The following BCKDHB variants were observed in gnomAD, a reference collection of about 807,000 sequenced individuals.
The protein encoded by BCKDHB is 2-oxoisovalerate dehydrogenase subunit beta, mitochondrial.
In BCKDHB, 41 loss-of-function variants were observed where a neutral mutation model predicts 48.5. The ratio of observed to expected loss-of-function variants is 0.85; its 90% CI spans 0.66 to 1.10. The LOEUF is 1.10. Ranked by LOEUF, BCKDHB falls within the 50% of genes least tolerant of loss-of-function variation. BCKDHB has a pLI of 0.00. For synonymous variants in BCKDHB, 201 were observed against 174.8 expected, an observed-to-expected ratio of 1.15 and a Z score of -1.18; for missense variants, 496 against 494.2, an observed-to-expected ratio of 1.00 and a Z score of -0.03.
At chr6:80,342,535 A>G (rs1419066241) in intron 9 of BCKDHB, among the ~76,000 whole-genome samples, 1 of 146,692 alleles carries the variant, frequency 6.8e-6, no homozygotes, top group Non-Finnish European at 1.5e-5. Context: ...AGCCTGGGCA[A>G]CATAAGAAGA....
At chr6:80,111,742 T>C (rs1281996734) in intron 1 of BCKDHB, among the ~76,000 whole-genome samples, 1 of 152,194 alleles carries the variant, frequency 6.6e-6, no homozygotes, top group Non-Finnish European at 1.5e-5. Context: ...TCTATGGTTT[T>C]ATATATATGC....
intron 1 of BCKDHB, among the ~76,000 whole-genome samples, chr6:80,112,117 C>T (rs921605112): frequency 1.2e-4 from 18 of 152,294 alleles, no homozygotes; most frequent in African/African-American, 3.8e-4. Context: ...ATAAGCCAAT[C>T]TGATAGACAC....
chr6:80,273,863 A>T (rs1777857097), intron 9 of BCKDHB, among the ~76,000 whole-genome samples: 1 of 152,016 alleles, frequency 6.6e-6, no homozygotes, highest in Admixed American at 6.6e-5. Flanking sequence ...ACCTGTATTC[A>T]AATTTATATC....
intron 9 of BCKDHB, among the ~76,000 whole-genome samples, chr6:80,297,798 G>A (rs1477769918): frequency 6.6e-6 from 1 of 152,098 alleles, no homozygotes; most frequent in East Asian, 1.9e-4. Context: ...AGCCCCAAAA[G>A]TATATTTCCT....
chr6:80,307,298 G>C (rs921109386), intron 9 of BCKDHB, among the ~76,000 whole-genome samples: 2 of 152,074 alleles, frequency 1.3e-5, no homozygotes, highest in Admixed American at 6.6e-5. Context: ...AACATATAGG[G>C]TTCCATGAGC....
the BCKDHB span, among the ~76,000 whole-genome samples, chr6:80,378,004 A>G: frequency 1.6e-4 from 25 of 152,154 alleles, no homozygotes; most frequent in African/African-American, 5.6e-4. Context: ...TATTTCAACA[A>G]TGTTTTATAG....
chr6:80,423,802 C>T, the BCKDHB span, among the ~76,000 whole-genome samples: 871 of 152,304 alleles, frequency 5.7e-3, 9 homozygotes, highest in African/African-American at 0.019. Flanking sequence ...CTTACCCAAG[C>T]TCTTTATGTA....
At chr6:80,352,151 G>GTTGT in the BCKDHB span, among the ~76,000 whole-genome samples, 12 of 147,376 alleles carry the variant, frequency 8.1e-5, no homozygotes, top group African/African-American at 1.7e-4. Flanking sequence ...TGTTGTTGTT[G>GTTGT]TTTTTTTTTT....
At chr6:80,128,167 A>G (rs1770439490) in intron 2 of BCKDHB, among the ~76,000 whole-genome samples, 1 of 151,894 alleles carries the variant, frequency 6.6e-6, no homozygotes, top group African/African-American at 2.4e-5. Flanking sequence ...TATATATTTA[A>G]CATATATCTA....
At chr6:80,457,575 C>T in the BCKDHB span, among the ~76,000 whole-genome samples, 1 of 152,198 alleles carries the variant, frequency 6.6e-6, no homozygotes, top group Non-Finnish European at 1.5e-5. Context: ...TTGGCTCACT[C>T]ATTCTCTTTG....
At chr6:80,127,702 A>C (rs1770418843) in intron 2 of BCKDHB, 78 bp downstream of exon 2, 1 of 1,274,948 alleles carries the variant, frequency 7.8e-7, no homozygotes, top group Non-Finnish European at 1.1e-6. Flanking sequence ...ATTTATGTGG[A>C]GCTCAATGGT....
At chr6:80,443,873 T>A in the BCKDHB span, among the ~76,000 whole-genome samples, 1 of 152,028 alleles carries the variant, frequency 6.6e-6, no homozygotes. Flanking sequence ...TTGTATAAGA[T>A]CCCATATGTT....
At chr6:80,331,837 C>T (rs1769327761) in intron 9 of BCKDHB, among the ~76,000 whole-genome samples, 1 of 152,180 alleles carries the variant, frequency 6.6e-6, no homozygotes, top group Non-Finnish European at 1.5e-5. Flanking sequence ...AAAGTACCTA[C>T]TGCTGAAGTG....
the BCKDHB span, among the ~76,000 whole-genome samples, chr6:80,361,119 C>G: frequency 3.9e-5 from 6 of 152,126 alleles, no homozygotes; most frequent in Admixed American, 6.5e-5. Flanking sequence ...CGGTATCTCT[C>G]TATCCTGCAT....
downstream of BCKDHB, among the ~76,000 whole-genome samples, chr6:80,348,109 T>TA (rs1562245284): frequency 1.1e-3 from 167 of 151,912 alleles, 1 homozygote; most frequent in African/African-American, 3.6e-3. Context: ...TGTGTACATT[T>TA]TAAAAAAAAA....
At chr6:80,242,027 T>A (rs954772129) in intron 8 of BCKDHB, among the ~76,000 whole-genome samples, 6 of 152,218 alleles carry the variant, frequency 3.9e-5, no homozygotes, top group African/African-American at 1.4e-4. Flanking sequence ...CTTTTAATGT[T>A]GTCTTTTGAT....
chr6:80,234,760 A>G (rs1363607303), intron 8 of BCKDHB, among the ~76,000 whole-genome samples: 1 of 152,148 alleles, frequency 6.6e-6, no homozygotes, highest in Non-Finnish European at 1.5e-5. Flanking sequence ...AGCACAATTC[A>G]TAATAGCCAA....
the BCKDHB span, among the ~76,000 whole-genome samples, chr6:80,370,774 AGC>A: frequency 5.5e-3 from 250 of 45,312 alleles, 4 homozygotes; most frequent in East Asian, 0.077. Context: ...GTGTATATAT[AGC>A]GTGTGTGTGT....
intron 9 of BCKDHB, among the ~76,000 whole-genome samples, chr6:80,310,466 T>C (rs1026964087): frequency 2.6e-5 from 4 of 152,234 alleles, no homozygotes; most frequent in African/African-American, 7.2e-5. Flanking sequence ...TATTCCATGG[T>C]TTATATGTAC....
Sources: allele counts gnomAD v4.1 joint callset (sites outside exome capture counted in the v4.1 genomes callset), GRCh38; gene constraint gnomAD v4.1.1; transcripts MANE v1.5; gene names NCBI Gene and HGNC (gene_info 2026-07-23, HGNC 2026-07-21).